BPTF: variants seen among roughly 807,000 people sequenced by gnomAD.
BPTF encodes bromodomain PHD finger transcription factor.
Under a neutral mutation model 292.5 loss-of-function variants are expected in BPTF, and 18 were observed. That is an observed-to-expected ratio of 0.06 (90% confidence interval 0.04 to 0.09). The LOEUF is 0.09. BPTF is among the 10% of genes least tolerant of loss of function. The probability of loss-of-function intolerance (pLI) is 1.00; values close to 1 mark genes in which losing one functional copy is unlikely to be tolerated. For missense variants in BPTF, 2,726 were observed against 3,498.7 expected, an observed-to-expected ratio of 0.78 and a Z score of 5.57; for synonymous variants, 1,225 against 1,251.9, an observed-to-expected ratio of 0.98 and a Z score of 0.45.
At position 67,944,248 on chromosome 17, in the gene BPTF, A is replaced by G. The variant is rs782530675; in HGVS notation, c.6576A>G (p.Pro2192=). Residue 2192 remains proline (P), a synonymous_variant, in exon 20 of 28, where the codon CCA becomes CCG. Coordinates refer to ENST00000306378, the MANE Select transcript of BPTF (RefSeq NM_182641.4). ...AAGGGGTGACTGTACTCCCAGGCCC[A>G]GGCCAGCAGCTAATGCAAGCTGCAA... ...IPQGVTVLPG[P]GQQLMQAAMP... is the part of the protein sequence containing the mutation. The G allele has an allele frequency of 9.3e-6, 15 of 1,614,214 alleles. No homozygotes were observed. Among genetic ancestry groups the G allele is most frequent in the Non-Finnish European group, 1.3e-5 (15 of 1,180,036 alleles).
At chr17:67,930,277 CA>C (rs2064262241) in intron 17 of BPTF, among the ~76,000 whole-genome samples, 2 of 152,230 alleles carry the variant, frequency 1.3e-5, no homozygotes, top group Non-Finnish European at 2.9e-5. Context: ...CTGCTCACTG[CA>C]AACTCCACCT....
At chr17:67,849,120 A>G (rs1567894278) in intron 1 of BPTF, among the ~76,000 whole-genome samples, 2 of 152,156 alleles carry the variant, frequency 1.3e-5, no homozygotes, top group African/African-American at 2.4e-5. Flanking sequence ...TAAGGGGAGT[A>G]TCCATTTTCT....
chr17:67,875,466 T>G, intron 4 of BPTF: 1 of 1,038,968 alleles, frequency 9.6e-7, no homozygotes, highest in Non-Finnish European at 1.3e-6. Context: ...AGGTTTTTTG[T>G]GATTATTTAG....
intron 2 of BPTF, among the ~76,000 whole-genome samples, chr17:67,865,703 C>T (rs569958224): frequency 1.3e-5 from 2 of 152,308 alleles, no homozygotes; most frequent in African/African-American, 4.8e-5. Context: ...ATGTGTTCCT[C>T]TATGTCTAGT....
chr17:67,857,772 A>G (rs1316391216), intron 2 of BPTF, among the ~76,000 whole-genome samples: 1 of 143,522 alleles, frequency 7.0e-6, no homozygotes. Flanking sequence ...TAGACTAACA[A>G]TATTTCTTTC....
intron 7 of BPTF, among the ~76,000 whole-genome samples, chr17:67,901,182 T>C (rs1376691117): frequency 6.6e-6 from 1 of 151,790 alleles, no homozygotes; most frequent in African/African-American, 2.4e-5. Flanking sequence ...AATCCAAAAA[T>C]AGACCTAAGC....
In BPTF at chr17:67,850,599, C is replaced by T. The variant is rs141557931; in HGVS notation, c.614-3341C>T. On this transcript the variant is annotated intron_variant, in intron 1 of 27. Coordinates refer to ENST00000306378, the MANE Select transcript of BPTF (RefSeq NM_182641.4). ...GGCCAGGCTAGTCCGGAACTCCTGACCTCGTGATCTGCCCACCTTGGACTC... is the reference window on the plus strand; with the variant it reads ...GGCCAGGCTAGTCCGGAACTCCTGATCTCGTGATCTGCCCACCTTGGACTC... 1.9e-3 allele frequency among the ~76,000 whole-genome samples: 295 copies of T among 152,274 alleles called. 1 individual carries two copies. Among genetic ancestry groups the T allele is most frequent in the African/African-American group, 6.9e-3 (285 of 41,550 alleles).
chr17:67,981,195 G>C (rs1456129910), intron 27 of BPTF, among the ~76,000 whole-genome samples: 1 of 152,190 alleles, frequency 6.6e-6, no homozygotes, highest in African/African-American at 2.4e-5. Flanking sequence ...ACAATGTAAA[G>C]AGTTGTATAA....
intron 1 of BPTF, among the ~76,000 whole-genome samples, chr17:67,831,030 A>T (rs2056621030): frequency 6.6e-6 from 1 of 152,160 alleles, no homozygotes; most frequent in East Asian, 1.9e-4. Flanking sequence ...TCTCTTTCAC[A>T]TCTGTTTAAT....
At position 67,909,276 on chromosome 17, in the gene BPTF, C is replaced by T. The variant is rs552220324; in HGVS notation, c.2813-306C>T. Among the ~76,000 whole-genome samples the T allele has an allele frequency of 4.5e-5, 4 of 88,228 alleles. No homozygotes were observed. In the East Asian group the frequency reaches 9.5e-4, roughly 21 times the overall value. The allele number at this position is 88,228 out of a possible 152,430, so 57.9% of individuals were successfully genotyped here. On this transcript the variant is annotated intron_variant, in intron 9 of 27. Transcript: ENST00000306378. Reference sequence around the variant, plus strand: ...TGAGCCACCGCACCAGGTCCCCCCCCCCCTTTTTTTTTTTATCCTGCAGTG... The same window carrying T: ...TGAGCCACCGCACCAGGTCCCCCCCTCCCTTTTTTTTTTTATCCTGCAGTG...
chr17:67,866,677 G>T lies in BPTF; in HGVS notation c.1650G>T (p.Ala550=). The T allele has an allele frequency of 6.2e-7, 1 of 1,612,348 alleles. No homozygotes were observed. The highest frequency in any genetic ancestry group is 8.5e-7 in the Non-Finnish European group (1 of 1,178,630). Residue 550 remains alanine, a synonymous_variant, in exon 3 of 28, where the codon GCG becomes GCT. Transcript: ENST00000306378. ...KARGSNKSFL[A]AANEEILESI... Reference sequence around the variant, plus strand: ...GGGGCAGTAACAAATCCTTTCTGGCGGCAGCTAATGGTGAGAGGGGCATTT... The same window carrying T: ...GGGGCAGTAACAAATCCTTTCTGGCTGCAGCTAATGGTGAGAGGGGCATTT...
At position 67,911,949 on chromosome 17, in the gene BPTF, A is replaced by G; in HGVS notation, c.4065A>G (p.Glu1355=). Residue 1355 remains glutamate (E), a synonymous_variant, in exon 11 of 28, where the codon GAA becomes GAG. Transcript: ENST00000306378. ...CEDRLPVKGT[E]ANGKKPSQQK... is the part of the protein sequence containing the mutation. ...ACAGGCTGCCGGTCAAGGGGACTGA[A>G]GCAAATGGTAAAAAACCAAGTCAGC... 6.2e-7 allele frequency: 1 copy of G among 1,614,194 alleles called. No homozygotes were observed. The highest frequency in any genetic ancestry group is 8.5e-7 in the Non-Finnish European group (1 of 1,180,032).
chr17:67,884,251 A>G (rs6504545), intron 4 of BPTF, among the ~76,000 whole-genome samples: 45,848 of 149,656 alleles, frequency 0.31, 8,245 homozygotes, highest in East Asian at 0.66. Flanking sequence ...GATTACAGGC[A>G]TGCACCACCA....
chr17:67,878,087 TG>T (rs1432647134), intron 4 of BPTF, among the ~76,000 whole-genome samples: 1 of 152,262 alleles, frequency 6.6e-6, no homozygotes, highest in Non-Finnish European at 1.5e-5. Context: ...CTGACTATTC[TG>T]ACTTCTATCA....
intron 12 of BPTF, among the ~76,000 whole-genome samples, chr17:67,919,414 G>A (rs1282357948): frequency 6.6e-6 from 1 of 151,918 alleles, no homozygotes; most frequent in East Asian, 1.9e-4. Context: ...TAGGCCTTGT[G>A]TTTGTAGTCC....
chr17:67,879,724 G>C (rs900091827), intron 4 of BPTF, among the ~76,000 whole-genome samples: 1 of 152,200 alleles, frequency 6.6e-6, no homozygotes, highest in African/African-American at 2.4e-5. Flanking sequence ...AGGGGAGCCA[G>C]TGTATATTGA....
At chr17:67,828,275 G>A (rs1251479491) in intron 1 of BPTF, among the ~76,000 whole-genome samples, 1 of 152,082 alleles carries the variant, frequency 6.6e-6, no homozygotes, top group Non-Finnish European at 1.5e-5. Context: ...GAAATCACAT[G>A]TTGGTCTTCT....
intron 4 of BPTF, among the ~76,000 whole-genome samples, chr17:67,880,130 G>T (rs1327893754): frequency 6.6e-6 from 1 of 151,460 alleles, no homozygotes; most frequent in African/African-American, 2.4e-5. Context: ...TATATATAGG[G>T]TCTATACTCG....
At chr17:67,971,729 A>G (rs569102366) in intron 26 of BPTF, among the ~76,000 whole-genome samples, 2 of 151,804 alleles carry the variant, frequency 1.3e-5, no homozygotes, top group South Asian at 4.2e-4. Context: ...GCTTGAACCC[A>G]AGAGGCAGAG....
Sources: gnomAD v4.1 joint callset for allele counts (sites outside exome capture counted in the v4.1 genomes callset) on GRCh38, gnomAD v4.1.1 for gene constraint, MANE v1.5 for transcripts, NCBI Gene and HGNC (gene_info 2026-07-23, HGNC 2026-07-21) for gene names.